PCDHA2: variants seen among roughly 807,000 people sequenced by gnomAD.
The protein encoded by PCDHA2 is protocadherin alpha-2.
PCDHA2 carries 58 observed loss-of-function variants against 66.0 expected under a neutral mutation model. That is an observed-to-expected ratio of 0.88 (90% CI 0.71 to 1.09). The LOEUF (loss-of-function observed/expected upper bound fraction) is 1.09. Among genes scored for constraint, PCDHA2 ranks in the 50% least tolerant of loss-of-function variants. PCDHA2 has a pLI of 0.00. For synonymous variants in PCDHA2, 634 were observed against 554.0 expected (o/e 1.14, Z -2.03); for missense variants, 1,267 against 1,242.3 (o/e 1.02, Z -0.30).
rs2044015236 is a variant in PCDHA2, at chr5:140,856,467, C to T, written c.2388+59115C>T. On this transcript the variant is annotated intron_variant, in intron 1 of 3. Coordinates refer to ENST00000526136, the MANE Select transcript of PCDHA2 (RefSeq NM_018905.3). ...TTCTCCGTAACAGAACAAAAGCTCTCAATACCTGAATCCAGACTGCTTGAC... is the reference window on the plus strand; with the variant it reads ...TTCTCCGTAACAGAACAAAAGCTCTTAATACCTGAATCCAGACTGCTTGAC... 5 of 1,598,208 alleles carry T rather than the reference C, an allele frequency of 3.1e-6. 1 individual carries two copies. Among genetic ancestry groups the T allele is most frequent in the Non-Finnish European group, 4.3e-6 (5 of 1,167,910 alleles).
At chr5:140,805,602 A>C in intron 1 of PCDHA2, 3 of 923,590 alleles carry the variant, frequency 3.2e-6, no homozygotes, top group Non-Finnish European at 3.9e-6. Context: ...TTATATATTA[A>C]ATTTCTTTAT....
At position 140,801,058 on chromosome 5, in the gene PCDHA2, T is replaced by C. The variant is rs1027075969; in HGVS notation, c.2388+3706T>C. 7.6e-6 allele frequency: 11 copies of C among 1,449,882 alleles called. No individual in the cohort carries two copies. In the African/African-American group the frequency reaches 1.4e-4, roughly 19 times the overall value. The allele number at this position is 1,449,882 out of a possible 1,614,324, so 89.8% of individuals were successfully genotyped here. On this transcript the variant is annotated intron_variant, in intron 1 of 3. Transcript: ENST00000526136. ...TCCACAAAAGAAATAACAGCGTGCA[T>C]TACGTATTCAGATACTGCTTTGCTT...
chr5:140,841,746 T>G (rs1562391326), intron 1 of PCDHA2: 2 of 1,613,910 alleles, frequency 1.2e-6, no homozygotes, highest in Non-Finnish European at 1.7e-6. Flanking sequence ...AAGCTGTTTG[T>G]TTCAGAATCC....
chr5:140,969,140 T>G, intron 1 of PCDHA2: 1 of 1,613,980 alleles, frequency 6.2e-7, no homozygotes, highest in Non-Finnish European at 8.5e-7. Flanking sequence ...CAAGACCTAC[T>G]GCTACAAGGC....
In PCDHA2 at chr5:140,835,883, C is replaced by T. The variant is rs149268300; in HGVS notation, c.2388+38531C>T. Reference sequence around the variant, plus strand: ...ACTCGCTGGTGGAGCTGCGGGTGGGCGAGCGCGCGCTGTCGAGCTACGTGT... The same window carrying T: ...ACTCGCTGGTGGAGCTGCGGGTGGGTGAGCGCGCGCTGTCGAGCTACGTGT... On this transcript the variant is annotated intron_variant, in intron 1 of 3. Coordinates refer to ENST00000526136, the MANE Select transcript of PCDHA2 (RefSeq NM_018905.3). 5.5e-4 allele frequency: 882 copies of T among 1,611,944 alleles called. 10 individuals carry two copies. In the African/African-American group the frequency reaches 9.6e-3, roughly 17 times the overall value.
At chr5:140,957,386 T>C (rs1461790676) in intron 1 of PCDHA2, among the ~76,000 whole-genome samples, 1 of 152,226 alleles carries the variant, frequency 6.6e-6, no homozygotes, top group Non-Finnish European at 1.5e-5. Context: ...TGTATTGTTA[T>C]AATTGTCCTA....
intron 1 of PCDHA2, chr5:140,884,108 G>A (rs782424793): frequency 3.1e-6 from 5 of 1,613,286 alleles, no homozygotes; most frequent in Admixed American, 3.3e-5. Context: ...ATTGCAGCTG[G>A]CGGCGGTCGG....
chr5:140,870,317 C>G lies in PCDHA2; in HGVS notation c.2388+72965C>G, dbSNP rs782216904. On this transcript the variant is annotated intron_variant, in intron 1 of 3. Coordinates refer to ENST00000526136, the MANE Select transcript of PCDHA2 (RefSeq NM_018905.3). ...GTGTCCACCTTCAAGAATTACTACT[C>G]GTTGGTGCTGGACAGCGCCCTGGAC... 122 of 1,614,080 alleles carry G rather than the reference C, an allele frequency of 7.6e-5. No individual in the cohort carries two copies. Among genetic ancestry groups the G allele is most frequent in the Non-Finnish European group, 1.0e-4 (120 of 1,180,036 alleles).
Position 140,797,093 on chromosome 5 carries a change from T to C in PCDHA2, c.2129T>C (p.Leu710Pro), listed in dbSNP as rs782679376. Residue 710 changes from leucine to proline, a missense_variant, in exon 1 of 4, where the codon CTG becomes CCG. By Grantham distance (98) the Leu-to-Pro change is moderately conservative. Transcript: ENST00000526136. The part of the protein sequence containing the change: ...LIIAICAVSS[L>P]LVLTVLLYTA... ...ATCGCCATCTGCGCGGTATCCAGCCTGTTGGTGCTCACGGTGCTGCTGTAC... is the reference window on the plus strand; with the variant it reads ...ATCGCCATCTGCGCGGTATCCAGCCCGTTGGTGCTCACGGTGCTGCTGTAC... 17 of 1,613,850 alleles carry C rather than the reference T, an allele frequency of 1.1e-5. No individual in the cohort carries two copies. The highest frequency in any genetic ancestry group is 1.4e-5 in the Non-Finnish European group (16 of 1,179,968).
chr5:140,848,615 A>G, intron 1 of PCDHA2: 1 of 1,593,618 alleles, frequency 6.3e-7, no homozygotes, highest in East Asian at 2.2e-5. Flanking sequence ...AGGAAGCCGA[A>G]CACGGCACCT....
chr5:140,849,170 C>A lies in PCDHA2; in HGVS notation c.2388+51818C>A, dbSNP rs2150431916. 4.4e-5 allele frequency: 49 copies of A among 1,111,512 alleles called. No homozygotes were observed. The African/African-American group carries it at 7.8e-4, about 18-fold the overall frequency. 68.9% of individuals were successfully genotyped at this position (1,111,512 alleles called of 1,614,324 possible). ...GAGGCAAACCCGAGCTGACTGGCAC[C>A]GTTCAATTACTCATCACGGTACTGG... On this transcript the variant is annotated intron_variant, in intron 1 of 3. Transcript: ENST00000526136.
chr5:140,963,301 A>T (rs2095755158), intron 1 of PCDHA2, among the ~76,000 whole-genome samples: 1 of 152,238 alleles, frequency 6.6e-6, no homozygotes, highest in Non-Finnish European at 1.5e-5. Flanking sequence ...GAGAGAAAAT[A>T]AGAAGCTGTT....
Position 140,794,976 on chromosome 5 carries a change from T to C in PCDHA2, c.12T>C (p.Ser4=). 6.2e-7 allele frequency: 1 copy of C among 1,608,830 alleles called. No homozygotes were observed. Among genetic ancestry groups the C allele is most frequent in the African/African-American group, 1.3e-5 (1 of 74,718 alleles). The part of the protein sequence containing the change: MAS[S]IRRGRGAWTR... ...ATTGAGGATTGGTAATGGCGTCTTC[T>C]ATCAGAAGGGGCCGAGGGGCCTGGA... is the stretch of plus-strand genomic sequence containing the variant. Residue 4 remains serine, a synonymous_variant, in exon 1 of 4, where the codon TCT becomes TCC. Coordinates refer to ENST00000526136, the MANE Select transcript of PCDHA2 (RefSeq NM_018905.3).
At chr5:140,916,665 G>A (rs1166692195) in intron 1 of PCDHA2, among the ~76,000 whole-genome samples, 2 of 152,184 alleles carry the variant, frequency 1.3e-5, no homozygotes, top group Non-Finnish European at 2.9e-5. Flanking sequence ...CAAGATGCAA[G>A]ACAAAGTCCT....
chr5:140,957,852 A>AT (rs5871756), intron 1 of PCDHA2, among the ~76,000 whole-genome samples: 44,688 of 151,688 alleles, frequency 0.29, 7,154 homozygotes, highest in East Asian at 0.53. Context: ...GAGTTTGTGT[A>AT]TTTTTTTTCC....
intron 1 of PCDHA2, among the ~76,000 whole-genome samples, chr5:140,938,157 G>A (rs532966795): frequency 6.6e-6 from 1 of 151,904 alleles, no homozygotes; most frequent in East Asian, 1.9e-4. Context: ...CATTGCCCAG[G>A]CTAGTCTGGA....
In PCDHA2 at chr5:140,925,899, G is replaced by T. The variant is rs149135478; in HGVS notation, c.2389-53050G>T. ...TATAACCTCCTCTTTCACCCAGATC[G>T]TCAAGGGCCGTTTGCAAAGCACTCC... is the stretch of plus-strand genomic sequence containing the variant. On this transcript the variant is annotated intron_variant, in intron 1 of 3. Transcript: ENST00000526136. Among the ~76,000 whole-genome samples, 277 of 151,958 alleles carry T rather than the reference G, an allele frequency of 1.8e-3. 3 individuals carry two copies. The highest frequency in any genetic ancestry group is 6.4e-3 in the African/African-American group (264 of 41,382).
chr5:140,967,935 A>G (rs186453952), intron 1 of PCDHA2: 13 of 1,614,214 alleles, frequency 8.1e-6, no homozygotes, highest in South Asian at 4.4e-5. Flanking sequence ...CTCAGTGTCA[A>G]TGACCAAGAC....
chr5:140,921,631 T>A (rs1435281144), intron 1 of PCDHA2, among the ~76,000 whole-genome samples: 1 of 152,206 alleles, frequency 6.6e-6, no homozygotes, highest in East Asian at 1.9e-4. Flanking sequence ...ATCATCATTA[T>A]GGTAGCTATT....
Sources: allele counts gnomAD v4.1 joint callset (sites outside exome capture counted in the v4.1 genomes callset), GRCh38; gene constraint gnomAD v4.1.1; transcripts MANE v1.5; gene names NCBI Gene and HGNC (gene_info 2026-07-23, HGNC 2026-07-21).